ADAMTSL1: variants seen among roughly 807,000 people sequenced by gnomAD.
ADAMTSL1 encodes the protein ADAMTS-like protein 1.
In ADAMTSL1, 126 loss-of-function variants were observed where a neutral mutation model predicts 201.8. The observed-to-expected ratio is 0.62, with a 90% CI of 0.54 to 0.72. The LOEUF (loss-of-function observed/expected upper bound fraction) is 0.72, where lower values mean the gene tolerates loss of function less well. Ranked by LOEUF, ADAMTSL1 falls within the 30% of genes least tolerant of loss-of-function variation. The probability of loss-of-function intolerance (pLI) is 0.00; values close to 1 mark genes in which losing one functional copy is unlikely to be tolerated. For missense variants in ADAMTSL1, 2,679 were observed against 2,277.8 expected (o/e 1.18, Z -3.59); for synonymous variants, 1,121 against 903.4 (o/e 1.24, Z -4.32).
intron 2 of ADAMTSL1, among the ~76,000 whole-genome samples, chr9:18,334,361 A>G (rs959903986): frequency 3.3e-5 from 5 of 152,186 alleles, no homozygotes; most frequent in African/African-American, 4.8e-5. Flanking sequence ...ATGCTTGTGC[A>G]TATACACGTG....
At chr9:18,567,656 G>A (rs1358244168) in intron 3 of ADAMTSL1, among the ~76,000 whole-genome samples, 1 of 152,012 alleles carries the variant, frequency 6.6e-6, no homozygotes, top group East Asian at 1.9e-4. Context: ...TATTCTCAGG[G>A]AATATGCTCC....
At chr9:18,356,717 A>G (rs1420123349) in intron 2 of ADAMTSL1, among the ~76,000 whole-genome samples, 1 of 152,052 alleles carries the variant, frequency 6.6e-6, no homozygotes, top group Non-Finnish European at 1.5e-5. Flanking sequence ...CAAAGTCAGG[A>G]TGCAAGGGAA....
At chr9:18,024,095 A>G (rs1820592553) in intron 1 of ADAMTSL1, among the ~76,000 whole-genome samples, 1 of 152,036 alleles carries the variant, frequency 6.6e-6, no homozygotes, top group African/African-American at 2.4e-5. Context: ...AATTGATCAG[A>G]TATTTTAAAA....
intron 2 of ADAMTSL1, among the ~76,000 whole-genome samples, chr9:18,519,547 G>A (rs1818558697): frequency 6.6e-6 from 1 of 152,122 alleles, no homozygotes; most frequent in Non-Finnish European, 1.5e-5. Flanking sequence ...TGTTCACCAG[G>A]CATTATGCTG....
At chr9:18,471,097 G>C (rs1189699514), upstream of ADAMTSL1, among the ~76,000 whole-genome samples, 1 of 152,138 alleles carries the variant, frequency 6.6e-6, no homozygotes, top group Non-Finnish European at 1.5e-5. Context: ...TGCTGAAAAC[G>C]TTTTAGAAAT....
intron 1 of ADAMTSL1, among the ~76,000 whole-genome samples, chr9:18,131,524 A>G (rs1165718446): frequency 6.6e-6 from 1 of 152,126 alleles, no homozygotes; most frequent in Non-Finnish European, 1.5e-5. Context: ...GAAATCAAAG[A>G]GGAGTTTCTT....
intron 1 of ADAMTSL1, among the ~76,000 whole-genome samples, chr9:18,033,762 A>G (rs905723186): frequency 1.3e-5 from 2 of 152,200 alleles, no homozygotes; most frequent in African/African-American, 2.4e-5. Flanking sequence ...TATAATCAGC[A>G]TCTACTGTTT....
At chr9:18,068,322 C>T (rs1007550080) in intron 1 of ADAMTSL1, among the ~76,000 whole-genome samples, 1 of 151,994 alleles carries the variant, frequency 6.6e-6, no homozygotes, top group Admixed American at 6.6e-5. Flanking sequence ...AACAATACAA[C>T]AATAAAAATA....
chr9:17,940,180 G>A (rs779834326), intron 1 of ADAMTSL1, among the ~76,000 whole-genome samples: 3 of 152,082 alleles, frequency 2.0e-5, no homozygotes, highest in African/African-American at 7.2e-5. Context: ...TAATGCTTTT[G>A]TTTGCATGTG....
chr9:18,734,845 G>A (rs981668694), intron 15 of ADAMTSL1, among the ~76,000 whole-genome samples: 2 of 152,206 alleles, frequency 1.3e-5, no homozygotes, highest in African/African-American at 2.4e-5. Flanking sequence ...CCTCAGGGCA[G>A]TTTTGTGCTG....
At chr9:18,561,657 G>A (rs1269003532) in intron 3 of ADAMTSL1, among the ~76,000 whole-genome samples, 2 of 152,114 alleles carry the variant, frequency 1.3e-5, no homozygotes, top group Non-Finnish European at 2.9e-5. Context: ...TATTGTGTGG[G>A]ATTCTAAGTC....
At chr9:18,038,917 T>C (rs1195862863) in intron 1 of ADAMTSL1, among the ~76,000 whole-genome samples, 1 of 152,184 alleles carries the variant, frequency 6.6e-6, no homozygotes, top group Non-Finnish European at 1.5e-5. Flanking sequence ...TAATTACCAG[T>C]GACAAAGCTA....
intron 1 of ADAMTSL1, among the ~76,000 whole-genome samples, chr9:17,964,934 G>A (rs1191996746): frequency 6.6e-6 from 1 of 152,004 alleles, no homozygotes; most frequent in Admixed American, 6.6e-5. Flanking sequence ...GCAGTGGCGT[G>A]ATCTTGGCTC....
At chr9:18,299,022 AATAAT>A (rs918715024) in intron 2 of ADAMTSL1, among the ~76,000 whole-genome samples, 7 of 122,364 alleles carry the variant, frequency 5.7e-5, no homozygotes, top group South Asian at 6.8e-4. Context: ...AAAAAAAAAA[AATAAT>A]AATAATAATA....
chr9:18,210,775 C>G (rs1360688971), intron 2 of ADAMTSL1, among the ~76,000 whole-genome samples: 1 of 150,504 alleles, frequency 6.6e-6, no homozygotes, highest in Non-Finnish European at 1.5e-5. Flanking sequence ...TTTTTTTTGC[C>G]TATCTTAAAG....
intron 1 of ADAMTSL1, among the ~76,000 whole-genome samples, chr9:18,161,068 G>T (rs779113585): frequency 1.3e-5 from 2 of 151,780 alleles, no homozygotes. Context: ...TGAACATCTT[G>T]ATATGTATTA....
chr9:18,782,592 C>T (rs952662030), intron 19 of ADAMTSL1, among the ~76,000 whole-genome samples: 3 of 152,074 alleles, frequency 2.0e-5, no homozygotes, highest in African/African-American at 7.2e-5. Context: ...AATGAATTAA[C>T]AAATGAATGG....
At chr9:18,083,497 A>C (rs1450858193) in intron 1 of ADAMTSL1, among the ~76,000 whole-genome samples, 4 of 152,180 alleles carry the variant, frequency 2.6e-5, no homozygotes, top group Non-Finnish European at 5.9e-5. Context: ...GTCTGTTTTT[A>C]ATGTTGATAT....
chr9:18,008,213 A>T (rs986757713), intron 1 of ADAMTSL1, among the ~76,000 whole-genome samples: 1 of 151,956 alleles, frequency 6.6e-6, no homozygotes, highest in African/African-American at 2.4e-5. Flanking sequence ...TCTACATGAG[A>T]TGTTTAACCA....
Sources: allele counts gnomAD v4.1 joint callset (sites outside exome capture counted in the v4.1 genomes callset), GRCh38; gene constraint gnomAD v4.1.1; transcripts MANE v1.5; gene names NCBI Gene and HGNC (gene_info 2026-07-23, HGNC 2026-07-21).